Variants in GRID2 observed in about 807,000 individuals in gnomAD.
GRID2 encodes the protein glutamate receptor ionotropic, delta-2.
Under a neutral mutation model 114.8 loss-of-function variants are expected in GRID2, and 33 were observed. The ratio of observed to expected loss-of-function variants is 0.29; its 90% CI spans 0.22 to 0.38. The LOEUF is 0.38. Ranked by LOEUF, GRID2 falls within the 10% of genes least tolerant of loss-of-function variation. GRID2 has a pLI of 1.00. For synonymous variants in GRID2, 505 were observed against 449.9 expected (o/e 1.12, Z -1.55); for missense variants, 1,184 against 1,257.7 (o/e 0.94, Z 0.89).
chr4:92,375,271 T>C (rs557845087), intron 1 of GRID2, among the ~76,000 whole-genome samples: 4 of 152,330 alleles, frequency 2.6e-5, no homozygotes, highest in Non-Finnish European at 5.9e-5. Flanking sequence ...ATCATGTTCA[T>C]GAAACCATAG....
intron 1 of GRID2, among the ~76,000 whole-genome samples, chr4:92,383,508 TA>T (rs1729716938): frequency 6.6e-6 from 1 of 151,980 alleles, no homozygotes; most frequent in African/African-American, 2.4e-5. Context: ...GTCTTCCATG[TA>T]AAAGGCTTTG....
rs979033749 is a variant in GRID2 at position 92,400,188 on chromosome 4, A to G, written c.88+95444A>G. ...ATATTCACAAAATTGTGCAACTACC[A>G]CAGCTATTTAATGGTAAAACGTTTG... On this transcript the variant is annotated intron_variant, in intron 1 of 15. Transcript: ENST00000282020. Among the ~76,000 whole-genome samples, 3 of 152,170 alleles carry G rather than the reference A, an allele frequency of 2.0e-5. No homozygotes were observed. In the East Asian group the frequency reaches 5.8e-4, roughly 29 times the overall value.
chr4:92,363,350 G>C (rs1210474297), intron 1 of GRID2, among the ~76,000 whole-genome samples: 2 of 151,994 alleles, frequency 1.3e-5, no homozygotes, highest in African/African-American at 2.4e-5. Flanking sequence ...TCAGCTATGA[G>C]GTGTGTCTAA....
intron 1 of GRID2, among the ~76,000 whole-genome samples, chr4:92,418,462 T>C (rs1731728528): frequency 6.6e-6 from 1 of 152,058 alleles, no homozygotes; most frequent in East Asian, 1.9e-4. Context: ...TTTAAAATGT[T>C]ACACTGGCTG....
chr4:93,571,793 A>T (rs897575763), intron 13 of GRID2, among the ~76,000 whole-genome samples: 1 of 152,076 alleles, frequency 6.6e-6, no homozygotes, highest in Non-Finnish European at 1.5e-5. Context: ...AAGAGGAATG[A>T]CTCAGTGTGT....
chr4:93,808,559 A>T (rs1171561703), exon 2 of GRID2: 1 of 152,226 alleles, frequency 6.6e-6, no homozygotes, highest in Non-Finnish European at 1.5e-5. Flanking sequence ...TACAAAGAAG[A>T]TGAAGTACAT....
chr4:92,484,850 A>G (rs1722788373), intron 1 of GRID2, among the ~76,000 whole-genome samples: 1 of 151,960 alleles, frequency 6.6e-6, no homozygotes, highest in Non-Finnish European at 1.5e-5. Context: ...ATCTTAAGCT[A>G]TTTTACATTA....
chr4:92,666,494 C>G (rs1238184390), intron 2 of GRID2, among the ~76,000 whole-genome samples: 2 of 151,436 alleles, frequency 1.3e-5, no homozygotes, highest in South Asian at 2.1e-4. Flanking sequence ...GTGTTGAAAA[C>G]TGTATATTTT....
At chr4:92,751,618 C>A (rs1009090420) in intron 2 of GRID2, among the ~76,000 whole-genome samples, 5 of 152,158 alleles carry the variant, frequency 3.3e-5, no homozygotes, top group Non-Finnish European at 7.4e-5. Flanking sequence ...TGTGCTATAA[C>A]TCAGTTTTGT....
At chr4:93,312,989 T>C (rs1756185978) in intron 8 of GRID2, among the ~76,000 whole-genome samples, 1 of 152,158 alleles carries the variant, frequency 6.6e-6, no homozygotes, top group Non-Finnish European at 1.5e-5. Context: ...AGCTCAGACA[T>C]GGAAAAAGAA....
chr4:92,894,149 C>A (rs187942457), intron 2 of GRID2, among the ~76,000 whole-genome samples: 60 of 152,070 alleles, frequency 3.9e-4, no homozygotes, highest in Middle Eastern at 3.4e-3. Flanking sequence ...TATTTTTGTC[C>A]ACATGGTAGA....
chr4:92,790,849 T>C (rs1739552036), intron 2 of GRID2, among the ~76,000 whole-genome samples: 2 of 151,850 alleles, frequency 1.3e-5, no homozygotes, highest in Admixed American at 1.3e-4. Flanking sequence ...TGTTTTGTTT[T>C]CTTCTTGGAA....
At chr4:93,486,769 T>C (rs1335192138) in intron 11 of GRID2, among the ~76,000 whole-genome samples, 2 of 151,792 alleles carry the variant, frequency 1.3e-5, no homozygotes, top group Admixed American at 6.6e-5. Flanking sequence ...TACAATCATG[T>C]GAAAGATTGG....
chr4:92,698,267 A>G (rs1734513687), intron 2 of GRID2, among the ~76,000 whole-genome samples: 1 of 152,144 alleles, frequency 6.6e-6, no homozygotes, highest in Non-Finnish European at 1.5e-5. Context: ...ATAATCACAT[A>G]TTATCATTTT....
At chr4:93,656,824 T>C (rs375377191) in intron 14 of GRID2, among the ~76,000 whole-genome samples, 2 of 62,070 alleles carry the variant, frequency 3.2e-5, no homozygotes, top group African/African-American at 6.0e-5. Context: ...AGCGAGACTC[T>C]GCCTCAAAAA....
At chr4:93,620,796 A>T (rs1158535338) in intron 13 of GRID2, among the ~76,000 whole-genome samples, 4 of 152,182 alleles carry the variant, frequency 2.6e-5, no homozygotes, top group Non-Finnish European at 5.9e-5. Context: ...TCTCCAAAGC[A>T]TATCTATGTT....
At chr4:92,504,575 A>G (rs1479984627) in intron 1 of GRID2, among the ~76,000 whole-genome samples, 5 of 152,032 alleles carry the variant, frequency 3.3e-5, no homozygotes, top group Non-Finnish European at 7.4e-5. Flanking sequence ...TTTTTCTTTC[A>G]TATGTTTTGG....
intron 11 of GRID2, among the ~76,000 whole-genome samples, chr4:93,457,751 T>C (rs1325147229): frequency 6.6e-6 from 1 of 152,104 alleles, no homozygotes; most frequent in African/African-American, 2.4e-5. Context: ...TAAAGTTTTA[T>C]CCTAGGTTTT....
At chr4:92,783,843 T>G (rs1387089659) in intron 2 of GRID2, among the ~76,000 whole-genome samples, 1 of 151,962 alleles carries the variant, frequency 6.6e-6, no homozygotes, top group Non-Finnish European at 1.5e-5. Context: ...GTTATGATCA[T>G]GCTACTGCAC....
Sources: gnomAD v4.1 joint callset for allele counts (sites outside exome capture counted in the v4.1 genomes callset) on GRCh38, gnomAD v4.1.1 for gene constraint, MANE v1.5 for transcripts, NCBI Gene and HGNC (gene_info 2026-07-23, HGNC 2026-07-21) for gene names.